Variants in KIF1A observed in about 807,000 individuals in gnomAD.
KIF1A encodes the protein kinesin family member 1A, also known as kinesin-like protein KIF1A.
KIF1A carries 46 observed loss-of-function variants against 227.3 expected under a neutral mutation model. The ratio of observed to expected loss-of-function variants is 0.20; its 90% CI spans 0.16 to 0.26. The LOEUF is 0.26. Among genes scored for constraint, KIF1A ranks in the 10% least tolerant of loss-of-function variants. The probability of loss-of-function intolerance (pLI) is 1.00; values close to 1 mark genes in which losing one functional copy is unlikely to be tolerated. For synonymous variants in KIF1A, 1,022 were observed against 1,012.8 expected, an observed-to-expected ratio of 1.01 and a Z score of -0.17; for missense variants, 1,683 against 2,485.9, an observed-to-expected ratio of 0.68 and a Z score of 6.87.
rs1491536538 is a variant in KIF1A, at chr2:240,774,402, C to CCA, written c.959-142_959-141insTG. 7.1e-4 allele frequency: 278 copies of CCA among 393,584 alleles called. 1 individual carries two copies. Among genetic ancestry groups the CCA allele is most frequent in the African/African-American group, 5.5e-3 (208 of 37,632 alleles). 24.4% of individuals were successfully genotyped at this position (393,584 alleles called of 1,614,324 possible). On this transcript the variant is annotated intron_variant, in intron 11 of 48. Transcript: ENST00000498729. ...TGAGTCACAGGCTTACCCCCCCCCC[C>CCA]ACCCCCACCCCATGAACACAGACAA... is the stretch of plus-strand genomic sequence containing the variant.
rs2047866930 is a variant in KIF1A at position 240,740,795 on chromosome 2, C to A, written c.3750-431G>T. The stretch of plus-strand genomic sequence containing the variant: ...GGCAAGGATCCGAGTCTCCACCAGG[C>A]CCCACTCTGAGCTGCCAGCCACAGC... On this transcript the variant is annotated intron_variant, in intron 35 of 48. Transcript: ENST00000498729. The surrounding 1 kb of genome is among the most constrained non-coding windows in gnomAD (Gnocchi z 6.1). 6.6e-6 allele frequency among the ~76,000 whole-genome samples: 1 copy of A among 152,088 alleles called. No homozygotes were observed. Among genetic ancestry groups the A allele is most frequent in the African/African-American group, 2.4e-5 (1 of 41,406 alleles).
At chr2:240,768,581 T>C (rs1223829234) in intron 17 of KIF1A, among the ~76,000 whole-genome samples, 2 of 152,152 alleles carry the variant, frequency 1.3e-5, no homozygotes, top group Admixed American at 6.5e-5. Flanking sequence ...TGCTGTGCCA[T>C]GCCCCACCTG....
rs765021474 is a variant in KIF1A, at chr2:240,737,080, G to C, written c.3990C>G (p.His1330Gln). The C allele has an allele frequency of 1.2e-6, 2 of 1,613,160 alleles. No individual in the cohort carries two copies. Among genetic ancestry groups the C allele is most frequent in the Non-Finnish European group, 1.7e-6 (2 of 1,179,280 alleles). ...CGACTCACCGGTCATCTTGGGCTGG[G>C]TGGATGTATCCGGAAGAGAGGATGT... ...SLNILSSGYI[H>Q]PAQDDRTFYQ... The change falls in exon 38 of 49, where the codon CAC (histidine) becomes CAG (glutamine). Residue 1330 changes from histidine to glutamine, a missense_variant. Physicochemically the swap from His to Gln is conservative, Grantham distance 24 (BLOSUM62 0). Coordinates refer to ENST00000498729, the MANE Select transcript of KIF1A (RefSeq NM_001244008.2).
intron 32 of KIF1A, among the ~76,000 whole-genome samples, chr2:240,744,663 T>C (rs1199787018): frequency 1.3e-5 from 2 of 152,234 alleles, no homozygotes; most frequent in Non-Finnish European, 2.9e-5. Flanking sequence ...AAGCCAAGGA[T>C]AGAGGCCTAA....
intron 28 of KIF1A, chr2:240,748,770 A>G (rs2125813740): frequency 4.6e-6 from 1 of 217,016 alleles, no homozygotes; most frequent in Non-Finnish European, 1.1e-5. Context: ...ATGACAAGCA[A>G]TGACATGGCC....
intron 27 of KIF1A, among the ~76,000 whole-genome samples, chr2:240,753,656 C>T: frequency 6.6e-6 from 1 of 152,138 alleles, no homozygotes; most frequent in East Asian, 1.9e-4. Flanking sequence ...CTTCTACCTC[C>T]TGGGAGGCAG....
intron 1 of KIF1A, among the ~76,000 whole-genome samples, chr2:240,816,248 G>C (rs1200599639): frequency 2.0e-5 from 3 of 152,134 alleles, no homozygotes; most frequent in South Asian, 2.1e-4. Flanking sequence ...ATGTATGTGT[G>C]GGTATGTGAG....
At chr2:240,732,641 G>C (rs2046850287) in intron 38 of KIF1A, among the ~76,000 whole-genome samples, 1 of 118,088 alleles carries the variant, frequency 8.5e-6, no homozygotes, top group Non-Finnish European at 1.8e-5. Context: ...ATGAGGGAAT[G>C]AGGGGAGGAG....
rs778888062 is a variant in KIF1A, at chr2:240,757,918, G to C, written c.2583-324C>G. ...CCACGTTGAGGCCTCAGAATACCAC[G>C]GTCCCATGGGGTGAAGGGGGCTGGG... is the stretch of plus-strand genomic sequence containing the variant. On this transcript the variant is annotated intron_variant, in intron 26 of 48. Transcript: ENST00000498729. The surrounding 1 kb of genome is among the most constrained non-coding windows in gnomAD (Gnocchi z 6.2). Among the ~76,000 whole-genome samples, 1 of 152,212 alleles carries C rather than the reference G, an allele frequency of 6.6e-6. No homozygotes were observed.
rs1296413149 is a variant in KIF1A, at chr2:240,792,854, G to A, written c.107-3542C>T. On this transcript the variant is annotated intron_variant, in intron 2 of 48. Coordinates refer to ENST00000498729, the MANE Select transcript of KIF1A (RefSeq NM_001244008.2). The surrounding 1 kb of genome is among the most constrained non-coding windows in gnomAD (Gnocchi z 4.5). ...GACCCGAGCTCCCTGGGCCAGGCAA[G>A]GACACAGCAGGAAGGCAGCAGCTGC... Among the ~76,000 whole-genome samples, 1 of 152,188 alleles carries A rather than the reference G, an allele frequency of 6.6e-6. No individual in the cohort carries two copies. Among genetic ancestry groups the A allele is most frequent in the Non-Finnish European group, 1.5e-5 (1 of 68,032 alleles).
In KIF1A at chr2:240,745,418, G is replaced by C. The variant is rs756159960; in HGVS notation, c.3465+9C>G. 1 of 1,605,246 alleles carries C rather than the reference G, an allele frequency of 6.2e-7. No individual in the cohort carries two copies. The highest frequency in any genetic ancestry group is 1.3e-5 in the African/African-American group (1 of 74,758). On this transcript the variant is annotated intron_variant, in intron 32 of 48. Transcript: ENST00000498729. ...TGGCAGGGATGGGGAGAAGTGCCCA[G>C]GAACGTACGTTCTGGACGTGGTAGA...
At chr2:240,762,563 G>C (rs1247618801) in intron 23 of KIF1A, among the ~76,000 whole-genome samples, 156 bp downstream of exon 23, 1 of 152,206 alleles carries the variant, frequency 6.6e-6, no homozygotes, top group East Asian at 1.9e-4. Context: ...TGCTTCCACG[G>C]TGCTTCCCAG....
At position 240,715,975 on chromosome 2, in the gene KIF1A, T is replaced by A. The variant is rs987834796; in HGVS notation, c.*1389A>T. 2.6e-5 allele frequency: 4 copies of A among 152,194 alleles called. No individual in the cohort carries two copies. The highest frequency in any genetic ancestry group is 5.9e-5 in the Non-Finnish European group (4 of 68,036). The allele number at this position is 152,194 out of a possible 1,614,324, so 9.4% of individuals were successfully genotyped here. A position where few individuals can be genotyped will look rare whatever the true frequency, so the allele number is the denominator to read the frequency against. On this transcript the variant is annotated 3_prime_UTR_variant, in exon 49 of 49. Coordinates refer to ENST00000498729, the MANE Select transcript of KIF1A (RefSeq NM_001244008.2). ...CTGTGGGTGTGGGTGGGGAGGGCCCTAAAACCTCCCTAGGCCTCTGGACAT... is the reference window on the plus strand; with the variant it reads ...CTGTGGGTGTGGGTGGGGAGGGCCCAAAAACCTCCCTAGGCCTCTGGACAT...
chr2:240,774,393 C>CT lies in KIF1A; in HGVS notation c.959-133_959-132insA, dbSNP rs1339275214. The CT allele has an allele frequency of 1.8e-5, 4 of 218,284 alleles. No homozygotes were observed. The African/African-American group carries it at 2.7e-4, about 15-fold the overall frequency. 13.5% of individuals were successfully genotyped at this position (218,284 alleles called of 1,614,324 possible). The stretch of plus-strand genomic sequence containing the variant: ...GAGGTAAACTGAGTCACAGGCTTAC[C>CT]CCCCCCCCCACCCCCACCCCATGAA... On this transcript the variant is annotated intron_variant, in intron 11 of 48. Transcript: ENST00000498729.
intron 38 of KIF1A, among the ~76,000 whole-genome samples, chr2:240,732,189 G>A (rs1442235512): frequency 1.7e-5 from 2 of 120,612 alleles, no homozygotes; most frequent in Non-Finnish European, 3.5e-5. Context: ...GAGAGAATGA[G>A]CGGTGGAGGG....
intron 1 of KIF1A, among the ~76,000 whole-genome samples, chr2:240,815,762 C>A (rs891337914): frequency 6.6e-6 from 1 of 152,186 alleles, no homozygotes; most frequent in Non-Finnish European, 1.5e-5. Context: ...GAGCTACCAT[C>A]CTCGGAGTCC....
intron 2 of KIF1A, among the ~76,000 whole-genome samples, chr2:240,794,525 A>C (rs1229270429): frequency 2.0e-5 from 3 of 152,182 alleles, no homozygotes; most frequent in Non-Finnish European, 4.4e-5. Flanking sequence ...CTGTAAACAC[A>C]AACTTTCAGG....
chr2:240,752,203 C>T lies in KIF1A; in HGVS notation c.2859-1656G>A, dbSNP rs1575574091. 6.6e-6 allele frequency among the ~76,000 whole-genome samples: 1 copy of T among 151,990 alleles called. No homozygotes were observed. Among genetic ancestry groups the T allele is most frequent in the Non-Finnish European group, 1.5e-5 (1 of 67,970 alleles). On this transcript the variant is annotated intron_variant, in intron 27 of 48. Transcript: ENST00000498729. This position sits in a 1 kb window ranked among gnomAD's most constrained non-coding sequence, Gnocchi z 6.4. ...GCGAGTACCCCACACCAATGGAGCCCATCAGGGACTTGTTACCCACAGGGC... is the reference window on the plus strand; with the variant it reads ...GCGAGTACCCCACACCAATGGAGCCTATCAGGGACTTGTTACCCACAGGGC...
intron 17 of KIF1A, among the ~76,000 whole-genome samples, chr2:240,768,386 C>T (rs1056640624): frequency 2.0e-5 from 3 of 152,260 alleles, no homozygotes; most frequent in African/African-American, 7.2e-5. Context: ...CTTCCTGTCT[C>T]CGGACCTCAG....
Sources: allele counts gnomAD v4.1 joint callset (sites outside exome capture counted in the v4.1 genomes callset), GRCh38; gene constraint gnomAD v4.1.1; non-coding constraint Gnocchi (gnomAD v3.1); transcripts MANE v1.5; gene names NCBI Gene and HGNC (gene_info 2026-07-23, HGNC 2026-07-21).